SMOX: variants seen among roughly 807,000 people sequenced by gnomAD.
SMOX encodes the protein flavin containing amine oxidase.
In SMOX, 22 loss-of-function variants were observed where a neutral mutation model predicts 51.0. That is an observed-to-expected ratio of 0.43 (90% CI 0.31 to 0.62). The LOEUF is 0.62. Ranked by LOEUF, SMOX falls within the 20% of genes least tolerant of loss-of-function variation. SMOX has a pLI of 0.10. For synonymous variants in SMOX, 282 were observed against 307.8 expected (o/e 0.92, Z 0.88); for missense variants, 566 against 777.7 (o/e 0.73, Z 3.24).
chr20:4,161,010 C>T (rs912966799), intron 1 of SMOX, among the ~76,000 whole-genome samples: 4 of 152,334 alleles, frequency 2.6e-5, no homozygotes, highest in South Asian at 2.1e-4. Flanking sequence ...GGGGGAACTG[C>T]GCCCGGCTGA....
At chr20:4,176,767 G>C (rs368472651) in intron 2 of SMOX, among the ~76,000 whole-genome samples, 1 of 152,148 alleles carries the variant, frequency 6.6e-6, no homozygotes. Context: ...CCCCAGTCCG[G>C]CTCTCAGGGT....
rs376839763 is a variant in SMOX, at chr20:4,187,382, G to A, written c.1643G>A (p.Arg548Gln). Residue 548 changes from arginine (R) to glutamine (Q), a missense_variant, in exon 7 of 7, where the codon CGA (arginine) becomes CAA (glutamine). Arg to Gln is a conservative substitution (Grantham distance 43). This residue lies in a region of SMOX where 347 missense variants were observed against 481.8 expected (regional missense o/e 0.72). Transcript: ENST00000305958. The surrounding 1 kb of genome is among the most constrained non-coding windows in gnomAD (Gnocchi z 4.8). ...GCTGCCCGCCTCATTGAGATGTACC[G>A]AGACCTCTTCCAGCAGGGGACCTGA... is the stretch of plus-strand genomic sequence containing the variant. The part of the protein sequence containing the change: ...REAARLIEMY[R>Q]DLFQQGT The A allele has an allele frequency of 1.8e-5, 29 of 1,614,008 alleles. No individual in the cohort carries two copies. The highest frequency in any genetic ancestry group is 3.3e-5 in the South Asian group (3 of 91,046).
At chr20:4,179,502 C>T (rs1280120981) in intron 3 of SMOX, among the ~76,000 whole-genome samples, 1 of 152,178 alleles carries the variant, frequency 6.6e-6, no homozygotes, top group Non-Finnish European at 1.5e-5. Flanking sequence ...AGGAGGGGTG[C>T]TCTAAGCACG....
Position 4,181,967 on chromosome 20 carries a change from G to A in SMOX, c.600G>A (p.Gln200=). 1 of 1,614,074 alleles carries A rather than the reference G, an allele frequency of 6.2e-7. No homozygotes were observed. Among genetic ancestry groups the A allele is most frequent in the Non-Finnish European group, 8.5e-7 (1 of 1,179,990 alleles). The change falls in exon 4 of 7, where the codon CAG becomes CAA. Residue 200 remains glutamine (Q), a synonymous_variant. Transcript: ENST00000305958. The surrounding 1 kb of genome is among the most constrained non-coding windows in gnomAD (Gnocchi z 5.6). ...GCCTGAAGCTCGCCATGATCCAGCA[G>A]TACCTGAAGGTATCTTGAGGAAGAC... ...TKRLKLAMIQ[Q]YLKVESCESS... is the part of the protein sequence containing the mutation.
At chr20:4,168,493 C>T (rs1017526789) in intron 1 of SMOX, among the ~76,000 whole-genome samples, 1 of 151,966 alleles carries the variant, frequency 6.6e-6, no homozygotes, top group Admixed American at 6.5e-5. Context: ...AGGGCTCAGG[C>T]ACACTTGGGA....
At chr20:4,150,437 G>A (rs1316887968) in intron 1 of SMOX, among the ~76,000 whole-genome samples, 1 of 151,998 alleles carries the variant, frequency 6.6e-6, no homozygotes, top group Admixed American at 6.6e-5. Context: ...TCCTCCCTTG[G>A]CTTCTGGTTT....
Position 4,172,263 on chromosome 20 carries a change from G to A in SMOX, c.-26-2767G>A, listed in dbSNP as rs558925742. ...GCCACGTCAGTCCAGGGTGCCCAGG[G>A]TGGCGGCGTCCCCGTCGCAGCTGGC... On this transcript the variant is annotated intron_variant, in intron 1 of 6. Transcript: ENST00000305958. The surrounding 1 kb of genome is among the most constrained non-coding windows in gnomAD (Gnocchi z 7.7). Among the ~76,000 whole-genome samples the A allele has an allele frequency of 3.9e-5, 6 of 152,314 alleles. No homozygotes were observed. In the South Asian group the frequency reaches 8.3e-4, roughly 21 times the overall value.
chr20:4,158,861 T>C lies in SMOX; in HGVS notation c.-27+9884T>C, dbSNP rs546961550. On this transcript the variant is annotated intron_variant, in intron 1 of 6. Coordinates refer to ENST00000305958, the MANE Select transcript of SMOX (RefSeq NM_175839.3). ...CTCTGATCCTGGCGGGTGGTGGTGA[T>C]ACTCCTTGCAGGCTGAGTTGGCTAG... Among the ~76,000 whole-genome samples the C allele has an allele frequency of 4.6e-5, 7 of 152,200 alleles. No homozygotes were observed. The South Asian group carries it at 1.2e-3, about 27-fold the overall frequency.
chr20:4,151,398 G>C (rs372203819), intron 1 of SMOX, among the ~76,000 whole-genome samples: 1 of 152,154 alleles, frequency 6.6e-6, no homozygotes, highest in Non-Finnish European at 1.5e-5. Flanking sequence ...TAAAATTCGT[G>C]ATAGCTCTCT....
intron 1 of SMOX, among the ~76,000 whole-genome samples, chr20:4,150,013 GC>G (rs1985654177): frequency 6.6e-6 from 1 of 152,110 alleles, no homozygotes; most frequent in Non-Finnish European, 1.5e-5. Flanking sequence ...CCTGCCGCTG[GC>G]CCTGCCTCCG....
chr20:4,181,782 C>G lies in SMOX; in HGVS notation c.436-21C>G, dbSNP rs780896172. The G allele has an allele frequency of 1.6e-5, 25 of 1,610,198 alleles. 1 individual carries two copies. The Admixed American group carries it at 4.0e-4, about 26-fold the overall frequency. ...GGAGGTGTGATGAGGTGTTTTCAGTCTCATGGGGTCTCTCTGGCAGGTCTA... is the reference window on the plus strand; with the variant it reads ...GGAGGTGTGATGAGGTGTTTTCAGTGTCATGGGGTCTCTCTGGCAGGTCTA... On this transcript the variant is annotated intron_variant, in intron 3 of 6. Transcript: ENST00000305958. The surrounding 1 kb of genome is among the most constrained non-coding windows in gnomAD (Gnocchi z 5.6).
chr20:4,155,417 G>GT lies in SMOX; in HGVS notation c.-27+6440_-27+6441insT, dbSNP rs572171022. 5.9e-4 allele frequency among the ~76,000 whole-genome samples: 89 copies of GT among 151,984 alleles called. 1 individual carries two copies. The South Asian group carries it at 0.011, about 19-fold the overall frequency. The stretch of plus-strand genomic sequence containing the variant: ...CACCTCTGCGGCGTACGTGGGAGTG[G>GT]GGGGGGCCTGGATGCTTCTCTCTGC... On this transcript the variant is annotated intron_variant, in intron 1 of 6. Transcript: ENST00000305958.
intron 3 of SMOX, among the ~76,000 whole-genome samples, chr20:4,178,406 T>C (rs1979051762): frequency 6.6e-6 from 1 of 152,176 alleles, no homozygotes; most frequent in Non-Finnish European, 1.5e-5. Context: ...CTGTAGACAG[T>C]TTTATTTTTT....
At chr20:4,180,308 G>C (rs1341913778) in intron 3 of SMOX, among the ~76,000 whole-genome samples, 1 of 152,214 alleles carries the variant, frequency 6.6e-6, no homozygotes, top group Non-Finnish European at 1.5e-5. Flanking sequence ...TGAGATGGTG[G>C]TGGTGGCGGG....
In SMOX at chr20:4,177,251, T is replaced by C; in HGVS notation, c.209-100T>C. Reference sequence around the variant, plus strand: ...GTTCAAGCTCTTTCCTGCCCTGTTGTAGGGTGGAAAGACCCTCTTGGAGGA... The same window carrying C: ...GTTCAAGCTCTTTCCTGCCCTGTTGCAGGGTGGAAAGACCCTCTTGGAGGA... On this transcript the variant is annotated intron_variant, in intron 2 of 6. Transcript: ENST00000305958. This position sits in a 1 kb window ranked among gnomAD's most constrained non-coding sequence, Gnocchi z 4.3. 4 of 1,027,786 alleles carry C rather than the reference T, an allele frequency of 3.9e-6. No individual in the cohort carries two copies. The highest frequency in any genetic ancestry group is 4.9e-5 in the Admixed American group (2 of 40,928). 63.7% of individuals were successfully genotyped at this position (1,027,786 alleles called of 1,614,324 possible). A position where few individuals can be genotyped will look rare whatever the true frequency, so the allele number is the denominator to read the frequency against.
In SMOX at chr20:4,170,191, GAGGTGACATGATTC is replaced by G. The variant is rs1442127162; in HGVS notation, c.-26-4835_-26-4822del. The stretch of plus-strand genomic sequence containing the variant: ...GGTGCTTCTGGCGCAGTTGGGGGTG[GAGGTGACATGATTC>G]AGGCTGTGGAGTTGCCATGGCTTGA... On this transcript the variant is annotated intron_variant, in intron 1 of 6. Coordinates refer to ENST00000305958, the MANE Select transcript of SMOX (RefSeq NM_175839.3). This position sits in a 1 kb window ranked among gnomAD's most constrained non-coding sequence, Gnocchi z 4.6. Among the ~76,000 whole-genome samples the G allele has an allele frequency of 1.3e-5, 2 of 151,916 alleles. No individual in the cohort carries two copies. The highest frequency in any genetic ancestry group is 2.9e-5 in the Non-Finnish European group (2 of 67,992).
intron 1 of SMOX, among the ~76,000 whole-genome samples, chr20:4,161,958 C>T (rs981960922): frequency 3.3e-5 from 5 of 152,244 alleles, no homozygotes; most frequent in African/African-American, 4.8e-5. Flanking sequence ...CCCGCCTGCC[C>T]GGTGCCCATC....
rs371462794 is a variant in SMOX at position 4,177,283 on chromosome 20, G to C, written c.209-68G>C. The C allele has an allele frequency of 1.2e-5, 16 of 1,353,218 alleles. No homozygotes were observed. The highest frequency in any genetic ancestry group is 1.5e-5 in the Non-Finnish European group (15 of 974,996). The allele number at this position is 1,353,218 out of a possible 1,614,324, so 83.8% of individuals were successfully genotyped here. On this transcript the variant is annotated intron_variant, in intron 2 of 6. Transcript: ENST00000305958. This position sits in a 1 kb window ranked among gnomAD's most constrained non-coding sequence, Gnocchi z 4.3. ...GAAAGACCCTCTTGGAGGAAGGAGG[G>C]GGAAGCAGTGCTGGCCCTCTCTGGA...
intron 2 of SMOX, 38 bp downstream of exon 2, chr20:4,175,301 G>A (rs1741315): frequency 0.4 from 644,766 of 1,592,752 alleles, 135,672 homozygotes; most frequent in Non-Finnish European, 0.44. Flanking sequence ...ACCTCCCCAG[G>A]TCACCTTTAG....
Sources: gnomAD v4.1 joint callset for allele counts (sites outside exome capture counted in the v4.1 genomes callset) on GRCh38, gnomAD v4.1.1 for gene constraint, gnomAD v4.1.1 regional missense constraint, Gnocchi (gnomAD v3.1) non-coding constraint, MANE v1.5 for transcripts, NCBI Gene and HGNC (gene_info 2026-07-23, HGNC 2026-07-21) for gene names.